The following PVT1 variants were observed in gnomAD, a reference collection of about 807,000 sequenced individuals.
The protein encoded by PVT1 is CXCR4/PVT1 fusion.
intron 2 of PVT1, among the ~76,000 whole-genome samples, chr8:127,832,659 C>G (rs928807269): frequency 7.9e-5 from 12 of 152,090 alleles, no homozygotes; most frequent in East Asian, 3.9e-4. Context: ...GAGATAGAGA[C>G]CATCCTGGCT....
Position 127,863,312 on chromosome 8 carries a change from A to G in PVT1, n.373-27277A>G, listed in dbSNP as rs533009423. On this transcript the variant is annotated intron_variant and non_coding_transcript_variant, in intron 2 of 10. Coordinates refer to ENST00000651587, the Ensembl canonical transcript of PVT1. ...TTTTTAGTAGAGATGGGGTTTCACTATGTTGGCCAGGCTGGTCTCGAACTC... is the reference window on the plus strand; with the variant it reads ...TTTTTAGTAGAGATGGGGTTTCACTGTGTTGGCCAGGCTGGTCTCGAACTC... Among the ~76,000 whole-genome samples the G allele has an allele frequency of 6.4e-4, 97 of 151,858 alleles. 1 individual carries two copies. Among genetic ancestry groups the G allele is most frequent in the African/African-American group, 2.2e-3 (92 of 41,414 alleles).
intron 3 of PVT1, among the ~76,000 whole-genome samples, chr8:127,969,987 G>A (rs1019063278): frequency 2.6e-5 from 4 of 152,200 alleles, no homozygotes; most frequent in Non-Finnish European, 4.4e-5. Context: ...CATGGATGAA[G>A]TGGAACTTTT....
chr8:128,022,876 T>C (rs1211803732), intron 4 of PVT1, among the ~76,000 whole-genome samples: 1 of 151,450 alleles, frequency 6.6e-6, no homozygotes, highest in Admixed American at 6.6e-5. Flanking sequence ...TTTTTTTTTT[T>C]TTTTTTTTAA....
At chr8:127,993,109 C>T (rs565026254) in intron 4 of PVT1, among the ~76,000 whole-genome samples, 38 of 152,336 alleles carry the variant, frequency 2.5e-4, no homozygotes, top group Admixed American at 2.4e-3. Context: ...GTTTTTGGTG[C>T]ATTGCAATTG....
intron 2 of PVT1, among the ~76,000 whole-genome samples, chr8:127,812,606 A>C (rs1259095913): frequency 1.3e-5 from 2 of 150,770 alleles, no homozygotes; most frequent in South Asian, 4.3e-4. Context: ...GAAGGAAGAA[A>C]AAAAAGAAGG....
chr8:128,026,933 T>C (rs1305180935), intron 4 of PVT1, among the ~76,000 whole-genome samples: 1 of 152,156 alleles, frequency 6.6e-6, no homozygotes, highest in Non-Finnish European at 1.5e-5. Context: ...CTCCCAGGCC[T>C]GTGCACTGAG....
At chr8:128,025,447 G>A (rs1817482076) in intron 4 of PVT1, among the ~76,000 whole-genome samples, 1 of 152,144 alleles carries the variant, frequency 6.6e-6, no homozygotes, top group Non-Finnish European at 1.5e-5. Context: ...AGGTGCCTGA[G>A]AGCCCTGCAC....
chr8:127,885,558 G>A (rs1301836672), intron 2 of PVT1, among the ~76,000 whole-genome samples: 1 of 152,100 alleles, frequency 6.6e-6, no homozygotes, highest in East Asian at 1.9e-4. Context: ...TTTTATAAGG[G>A]CACTAAGCCC....
intron 3 of PVT1, among the ~76,000 whole-genome samples, chr8:127,897,865 A>C (rs1394611311): frequency 9.9e-6 from 1 of 101,076 alleles, no homozygotes; most frequent in African/African-American, 3.5e-5. Flanking sequence ...ACAGGAAGGA[A>C]GAAAGGAAAG....
At chr8:127,917,939 C>T (rs905876480) in intron 3 of PVT1, among the ~76,000 whole-genome samples, 2 of 152,162 alleles carry the variant, frequency 1.3e-5, no homozygotes, top group African/African-American at 4.8e-5. Context: ...ACCCTGTCCC[C>T]CACAAGGAGA....
chr8:127,827,214 C>T lies in PVT1; in HGVS notation n.372+31143C>T, dbSNP rs576029894. Among the ~76,000 whole-genome samples, 10 of 152,108 alleles carry T rather than the reference C, an allele frequency of 6.6e-5. No homozygotes were observed. The East Asian group carries it at 1.7e-3, about 26-fold the overall frequency. On this transcript the variant is annotated intron_variant and non_coding_transcript_variant, in intron 2 of 10. Transcript: ENST00000651587. ...TTCTCCATGTTGGTCAGGCTGGTCT[C>T]GAACCCCCGACCTCAGGTGATCTGC...
At chr8:128,087,552 C>T (rs979015757) in intron 5 of PVT1, among the ~76,000 whole-genome samples, 1 of 152,116 alleles carries the variant, frequency 6.6e-6, no homozygotes, top group Non-Finnish European at 1.5e-5. Context: ...ATGGATCACT[C>T]CCATTATTGG....
At chr8:127,944,622 A>T (rs1816397817) in intron 3 of PVT1, among the ~76,000 whole-genome samples, 1 of 150,800 alleles carries the variant, frequency 6.6e-6, no homozygotes, top group Non-Finnish European at 1.5e-5. Flanking sequence ...GGAAGGAGGG[A>T]TCCAAAGCAG....
At chr8:128,021,887 G>T (rs141279078) in intron 4 of PVT1, among the ~76,000 whole-genome samples, 1 of 152,268 alleles carries the variant, frequency 6.6e-6, no homozygotes, top group East Asian at 1.9e-4. Flanking sequence ...AGAGGTGCTG[G>T]GAGTGAGGGA....
intron 3 of PVT1, among the ~76,000 whole-genome samples, chr8:127,977,679 G>T (rs796118844): frequency 2.0e-5 from 3 of 152,232 alleles, no homozygotes; most frequent in South Asian, 4.2e-4. Flanking sequence ...AGGTTTCAGT[G>T]AGCCGAGATC....
intron 4 of PVT1, among the ~76,000 whole-genome samples, chr8:128,020,399 G>A (rs1817419534): frequency 6.6e-6 from 1 of 152,206 alleles, no homozygotes; most frequent in Admixed American, 6.5e-5. Flanking sequence ...CTGTGATCAA[G>A]AAAATGCCAT....
At chr8:128,014,750 A>G (rs1288611831) in intron 4 of PVT1, among the ~76,000 whole-genome samples, 1 of 152,224 alleles carries the variant, frequency 6.6e-6, no homozygotes, top group Non-Finnish European at 1.5e-5. Context: ...GAAGTTCTAG[A>G]TGGACTGAAC....
intron 3 of PVT1, among the ~76,000 whole-genome samples, chr8:127,925,379 G>A (rs1816117100): frequency 1.3e-5 from 2 of 152,148 alleles, no homozygotes; most frequent in African/African-American, 2.4e-5. Context: ...GAAAAATCCA[G>A]CATCATGTGA....
chr8:128,097,411 T>C (rs890540269), intron 6 of PVT1, among the ~76,000 whole-genome samples: 2 of 152,110 alleles, frequency 1.3e-5, no homozygotes, highest in African/African-American at 4.8e-5. Flanking sequence ...ATCTGGTGAG[T>C]GTTCTGTGCT....
Sources: gnomAD v4.1 joint callset for allele counts (sites outside exome capture counted in the v4.1 genomes callset) on GRCh38, gnomAD v4.1.1 for gene constraint, MANE v1.5 for transcripts, NCBI Gene and HGNC (gene_info 2026-07-23, HGNC 2026-07-21) for gene names.